FRMPD4: variants seen among roughly 807,000 people sequenced by gnomAD.
The protein encoded by FRMPD4 is FERM and PDZ domain containing 4, also known as FERM and PDZ domain-containing protein 4.
A neutral mutation model predicts 94.1 loss-of-function variants in FRMPD4; 22 were observed. The observed-to-expected ratio is 0.23, with a 90% CI of 0.17 to 0.33. The LOEUF is 0.33. Ranked by LOEUF, FRMPD4 falls within the 10% of genes least tolerant of loss-of-function variation. The pLI is 1.00. For missense variants in FRMPD4, 1,111 were observed against 1,339.9 expected (o/e 0.83, Z 2.67); for synonymous variants, 631 against 548.6 (o/e 1.15, Z -2.10).
intron 2 of FRMPD4, among the ~76,000 whole-genome samples, chrX:12,601,335 A>G (rs2079482962): frequency 1.8e-5 from 2 of 112,026 alleles, no homozygotes; most frequent in Admixed American, 1.9e-4. Context: ...CTGAAAACAC[A>G]CGATGTGCAG....
intron 3 of FRMPD4, among the ~76,000 whole-genome samples, chrX:11,978,517 G>A (rs1309662939): frequency 1.8e-5 from 2 of 110,364 alleles, no homozygotes; most frequent in Admixed American, 1.9e-4. Flanking sequence ...ATTTGGCATT[G>A]GAAACCAATT....
At chrX:12,147,420 C>T (rs2055784038) in intron 1 of FRMPD4, among the ~76,000 whole-genome samples, 1 of 112,459 alleles carries the variant, frequency 8.9e-6, no homozygotes, top group Admixed American at 9.4e-5. Flanking sequence ...TGAAGAACTG[C>T]CTAGTTTAAC....
Position 12,710,437 on chromosome X carries a change from C to T in FRMPD4, c.1509C>T (p.Asn503=). The T allele has an allele frequency of 8.3e-7, 1 of 1,201,728 alleles. No homozygotes were observed. Among genetic ancestry groups the T allele is most frequent in the Admixed American group, 2.2e-5 (1 of 45,948 alleles). ...TLLMESSDAM[N]LACLTAGYYR... ...TGATGGAATCCTCAGATGCCATGAACCTGGCCTGCTTGACGGCTGGATACT... is the reference window on the plus strand; with the variant it reads ...TGATGGAATCCTCAGATGCCATGAATCTGGCCTGCTTGACGGCTGGATACT... Residue 503 remains asparagine, a synonymous_variant, in exon 14 of 17, where the codon AAC becomes AAT. Coordinates refer to ENST00000675598, the MANE Select transcript of FRMPD4 (RefSeq NM_001368397.1).
chrX:12,652,872 T>G (rs1201928937), intron 4 of FRMPD4, among the ~76,000 whole-genome samples: 3 of 111,961 alleles, frequency 2.7e-5, no homozygotes, highest in African/African-American at 9.7e-5. Flanking sequence ...CACCGTCACT[T>G]TCACGGTTCT....
intron 3 of FRMPD4, among the ~76,000 whole-genome samples, chrX:11,955,720 C>T (rs1350887851): frequency 2.9e-4 from 28 of 97,932 alleles, no homozygotes; most frequent in African/African-American, 1.0e-3. Context: ...CTAGCCTGGG[C>T]GACAGAGCAA....
chrX:12,060,440 T>C (rs1249448332), intron 3 of FRMPD4, among the ~76,000 whole-genome samples: 5 of 109,456 alleles, frequency 4.6e-5, no homozygotes, highest in Non-Finnish European at 7.6e-5. Context: ...TTCACATCTT[T>C]TGCCCGTTTT....
chrX:12,065,936 C>T (rs2054917136), intron 3 of FRMPD4, among the ~76,000 whole-genome samples: 1 of 111,980 alleles, frequency 8.9e-6, no homozygotes, highest in Non-Finnish European at 1.9e-5. Context: ...CACAAATCAG[C>T]CACTATTGTT....
At chrX:12,275,893 C>T (rs189543950) in intron 1 of FRMPD4, among the ~76,000 whole-genome samples, 24 of 111,509 alleles carry the variant, frequency 2.2e-4, no homozygotes, top group South Asian at 7.6e-4. Context: ...GCCCAGAAGA[C>T]GCAGCAGCTT....
intron 1 of FRMPD4, among the ~76,000 whole-genome samples, chrX:12,143,689 C>T (rs765007008): frequency 3.4e-4 from 38 of 111,908 alleles, no homozygotes; most frequent in African/African-American, 1.2e-3. Context: ...TTCCTGTTTT[C>T]GCTTCTTTAT....
chrX:11,906,654 A>G (rs957934019), intron 3 of FRMPD4, among the ~76,000 whole-genome samples: 10 of 109,720 alleles, frequency 9.1e-5, no homozygotes, highest in Non-Finnish European at 5.7e-5. Flanking sequence ...TTCTTTTTCT[A>G]TGGCTTTTTA....
At position 12,183,893 on chromosome X, in the gene FRMPD4, G is replaced by T. The variant is rs775245535; in HGVS notation, c.41+44881G>T. Among the ~76,000 whole-genome samples the T allele has an allele frequency of 4.4e-4, 48 of 109,717 alleles. 1 individual carries two copies. The highest frequency in any genetic ancestry group is 7.4e-4 in the Non-Finnish European group (39 of 52,746). On this transcript the variant is annotated intron_variant, in intron 1 of 16. Coordinates refer to ENST00000675598, the MANE Select transcript of FRMPD4 (RefSeq NM_001368397.1). ...TTAGCAATTAAAGTTGAGCTGAGGT[G>T]CCTGTCTTTTGCTTGTTAAGTCTTG...
intron 2 of FRMPD4, among the ~76,000 whole-genome samples, chrX:12,570,990 A>G (rs950819197): frequency 5.3e-5 from 6 of 112,753 alleles, no homozygotes; most frequent in Non-Finnish European, 1.1e-4. Flanking sequence ...GAAACCTCAG[A>G]AAGCGAAACA....
intron 1 of FRMPD4, among the ~76,000 whole-genome samples, chrX:11,826,972 G>T (rs1412118401): frequency 1.9e-5 from 2 of 105,988 alleles, no homozygotes; most frequent in Non-Finnish European, 3.9e-5. Flanking sequence ...ACAGTGTGTG[G>T]CAAACTGGGC....
At chrX:11,956,169 C>T (rs1048085969) in intron 3 of FRMPD4, among the ~76,000 whole-genome samples, 7 of 111,829 alleles carry the variant, frequency 6.3e-5, no homozygotes, top group Non-Finnish European at 3.8e-5. Flanking sequence ...TTCTTATTGT[C>T]TGCCATATGC....
chrX:12,170,905 A>T (rs5003957), intron 1 of FRMPD4, among the ~76,000 whole-genome samples: 1 of 112,507 alleles, frequency 8.9e-6, no homozygotes, highest in Non-Finnish European at 1.9e-5. Context: ...GTGGCTTTCC[A>T]TTCACTGGTG....
chrX:12,640,841 T>C (rs1310334739), intron 4 of FRMPD4, among the ~76,000 whole-genome samples: 1 of 111,553 alleles, frequency 9.0e-6, no homozygotes, highest in Non-Finnish European at 1.9e-5. Context: ...TACCAATAAG[T>C]CTATGTATAC....
intron 16 of FRMPD4, among the ~76,000 whole-genome samples, chrX:12,720,068 A>AAG (rs1569078562): frequency 1.8e-5 from 2 of 108,779 alleles, no homozygotes; most frequent in African/African-American, 6.8e-5. Context: ...GAAAGAAAGA[A>AAG]AGAAAGAAAG....
At chrX:12,421,416 A>C (rs1047469945) in intron 1 of FRMPD4, among the ~76,000 whole-genome samples, 1 of 111,347 alleles carries the variant, frequency 9.0e-6, no homozygotes, top group African/African-American at 3.3e-5. Context: ...CAAAAACTAA[A>C]ATATTTGCAA....
intron 1 of FRMPD4, among the ~76,000 whole-genome samples, chrX:12,168,622 CTT>C (rs35114337): frequency 7.1e-5 from 5 of 70,163 alleles, no homozygotes; most frequent in Non-Finnish European, 1.3e-4. Flanking sequence ...GACACTGACC[CTT>C]TTTTTTTTTT....
Sources: allele counts gnomAD v4.1 joint callset (sites outside exome capture counted in the v4.1 genomes callset), GRCh38; gene constraint gnomAD v4.1.1; transcripts MANE v1.5; gene names NCBI Gene and HGNC (gene_info 2026-07-23, HGNC 2026-07-21).